Variants in TEKTIP1 observed in about 807,000 individuals in gnomAD.
TEKTIP1 encodes tektin bundle-interacting protein 1.
At chr19:3,542,238 A>G in the TEKTIP1 span, 22 of 985,440 alleles carry the variant, frequency 2.2e-5, no homozygotes, top group South Asian at 9.4e-4. Flanking sequence ...GGGGTCCCTC[A>G]AACAGGCTCT....
At chr19:3,543,008 G>A in the TEKTIP1 span, 1 of 1,600,896 alleles carries the variant, frequency 6.2e-7, no homozygotes. Context: ...TGCTGACTTG[G>A]GTGCTTGGGG....
At chr19:3,542,862 G>A in the TEKTIP1 span, 2 of 1,387,928 alleles carry the variant, frequency 1.4e-6, no homozygotes, top group Non-Finnish European at 1.9e-6. Context: ...TCCAGGCCAG[G>A]GGGGCTTCCC....
chr19:3,543,884 G>T, the TEKTIP1 span: 1 of 1,550,674 alleles, frequency 6.4e-7, no homozygotes, highest in East Asian at 2.4e-5. Context: ...CAGACTACGT[G>T]CCCTCCCTGT....
At chr19:3,542,640 C>T in the TEKTIP1 span, 3 of 1,065,506 alleles carry the variant, frequency 2.8e-6, no homozygotes, top group African/African-American at 3.3e-5. Flanking sequence ...CCACACCATG[C>T]CTGGCTTAAT....
the TEKTIP1 span, chr19:3,543,965 C>A: frequency 1.0e-5 from 16 of 1,550,156 alleles, no homozygotes; most frequent in Non-Finnish European, 1.4e-5. Context: ...ACTGCCCCTC[C>A]ACCTGCCAGC....
At chr19:3,543,425 A>G in the TEKTIP1 span, 7 of 1,545,934 alleles carry the variant, frequency 4.5e-6, no homozygotes, top group Non-Finnish European at 6.1e-6. Flanking sequence ...CGAGGCCTAC[A>G]ACCGCTGGCA....
At chr19:3,539,633 C>A in the TEKTIP1 span, 1 of 231,946 alleles carries the variant, frequency 4.3e-6, no homozygotes, top group East Asian at 8.7e-5. Flanking sequence ...CTCTGGGCAA[C>A]CCCAGGCACT....
At chr19:3,543,332 CA>C in the TEKTIP1 span, 1 of 1,549,514 alleles carries the variant, frequency 6.5e-7, no homozygotes, top group South Asian at 1.2e-5. Flanking sequence ...CGCAGCCGGC[CA>C]GCTGTGGTAC....
At chr19:3,543,250 C>G in the TEKTIP1 span, 12 of 1,545,802 alleles carry the variant, frequency 7.8e-6, no homozygotes, top group Admixed American at 2.0e-5. Context: ...ACTACCTGTC[C>G]CTGGAGGGTT....
At chr19:3,542,796 G>T in the TEKTIP1 span, 1 of 1,370,398 alleles carries the variant, frequency 7.3e-7, no homozygotes, top group Admixed American at 1.9e-5. Context: ...GGGTCCCCCA[G>T]TCTTCCCTGG....
At chr19:3,543,493 C>G in the TEKTIP1 span, 188 of 1,520,862 alleles carry the variant, frequency 1.2e-4, 1 homozygote, top group African/African-American at 1.4e-3. Flanking sequence ...CCCCCCCCCG[C>G]CCTGGGCAGC....
chr19:3,543,096 A>G, the TEKTIP1 span: 2 of 1,551,478 alleles, frequency 1.3e-6, no homozygotes, highest in Non-Finnish European at 1.7e-6. Context: ...GGGCTGAAGG[A>G]CAGACTCCAA....
the TEKTIP1 span, chr19:3,539,390 G>A: frequency 1.6e-6 from 1 of 630,574 alleles, no homozygotes; most frequent in Non-Finnish European, 2.9e-6. Context: ...TCATGTGTGT[G>A]ACGTCCCCTC....
the TEKTIP1 span, chr19:3,539,555 G>C: frequency 6.7e-6 from 3 of 446,308 alleles, no homozygotes; most frequent in Non-Finnish European, 4.1e-6. Context: ...TGAAATCCAG[G>C]CCTGTGCGGG....
At chr19:3,543,939 T>G in the TEKTIP1 span, 1 of 1,549,344 alleles carries the variant, frequency 6.5e-7, no homozygotes. Flanking sequence ...CTACCGGGAG[T>G]GGGTCCTGGA....
At chr19:3,539,225 G>A in the TEKTIP1 span, 9 of 1,550,736 alleles carry the variant, frequency 5.8e-6, no homozygotes, top group South Asian at 4.8e-5. Context: ...TCCCCTCGGG[G>A]ACCCTCGAGG....
the TEKTIP1 span, chr19:3,542,449 T>C: frequency 3.0e-6 from 3 of 985,202 alleles, no homozygotes; most frequent in Non-Finnish European, 2.4e-6. Flanking sequence ...AAGAGCAAGG[T>C]CAAAGCATAA....
the TEKTIP1 span, chr19:3,543,479 T>TGCC: frequency 1.4e-6 from 2 of 1,391,564 alleles, no homozygotes; most frequent in Non-Finnish European, 1.9e-6. Context: ...ATCGGGTGAG[T>TGCC]GCCCCCCCCC....
At chr19:3,539,281 GAGCCCCTCCC>G in the TEKTIP1 span, 18 of 1,511,232 alleles carry the variant, frequency 1.2e-5, no homozygotes, top group Admixed American at 3.9e-5. Flanking sequence ...CCCTACAGGT[GAGCCCCTCCC>G]AGCCCCTCCC....
Sources: gnomAD v4.1 joint callset for allele counts on GRCh38, gnomAD v4.1.1 for gene constraint, MANE v1.5 for transcripts, NCBI Gene and HGNC (gene_info 2026-07-23, HGNC 2026-07-21) for gene names.